Variants in DGKB observed in about 807,000 individuals in gnomAD.
DGKB encodes 90 kDa diacylglycerol kinase.
In DGKB, 67 loss-of-function variants were observed where a neutral mutation model predicts 114.3. The ratio of observed to expected loss-of-function variants is 0.59; its 90% CI spans 0.48 to 0.72. The LOEUF is 0.72. Among genes scored for constraint, DGKB ranks in the 30% least tolerant of loss-of-function variants. The pLI is 0.00. For synonymous variants in DGKB, 398 were observed against 323.1 expected (o/e 1.23, Z -2.49); for missense variants, 907 against 975.2 (o/e 0.93, Z 0.93).
At chr7:14,874,098 G>A (rs1852892937) in intron 1 of DGKB, among the ~76,000 whole-genome samples, 2 of 152,054 alleles carry the variant, frequency 1.3e-5, no homozygotes, top group South Asian at 4.1e-4. Flanking sequence ...TCCAGTTGAA[G>A]ATGAAGAAGG....
chr7:14,509,520 A>G (rs188422406), intron 20 of DGKB, among the ~76,000 whole-genome samples: 2 of 152,318 alleles, frequency 1.3e-5, no homozygotes, highest in East Asian at 1.9e-4. Flanking sequence ...GTTTAGACAC[A>G]TGCCTTTGCT....
intron 20 of DGKB, among the ~76,000 whole-genome samples, chr7:14,555,046 G>A (rs1477199775): frequency 6.6e-6 from 1 of 152,010 alleles, no homozygotes; most frequent in Non-Finnish European, 1.5e-5. Context: ...CCGGATGATA[G>A]CAATTTACTT....
intron 1 of DGKB, among the ~76,000 whole-genome samples, chr7:14,843,623 C>T (rs1025439902): frequency 3.9e-5 from 6 of 152,114 alleles, no homozygotes; most frequent in Non-Finnish European, 5.9e-5. Flanking sequence ...CGTGAGCCAC[C>T]GCGCCCAGCC....
intron 13 of DGKB, among the ~76,000 whole-genome samples, chr7:14,641,621 C>T (rs1004032048): frequency 7.2e-5 from 11 of 151,918 alleles, no homozygotes; most frequent in Non-Finnish European, 1.5e-4. Context: ...ATAATCCTGA[C>T]GCCTTTGATG....
intron 21 of DGKB, among the ~76,000 whole-genome samples, chr7:14,458,925 C>T (rs901161601): frequency 1.8e-4 from 28 of 152,114 alleles, no homozygotes; most frequent in African/African-American, 6.5e-4. Flanking sequence ...CCCATCCCCA[C>T]AGAGCCCAGC....
chr7:14,731,549 G>C (rs551073435), intron 5 of DGKB, among the ~76,000 whole-genome samples: 2 of 152,028 alleles, frequency 1.3e-5, no homozygotes, highest in Non-Finnish European at 2.9e-5. Context: ...TATAAACATC[G>C]GGTAGTAGGA....
At chr7:14,575,857 A>G (rs1799047642) in intron 19 of DGKB, among the ~76,000 whole-genome samples, 1 of 152,210 alleles carries the variant, frequency 6.6e-6, no homozygotes, top group African/African-American at 2.4e-5. Context: ...ATCATTGAAT[A>G]AACTCATTGG....
chr7:14,415,408 T>C (rs1473774482), intron 21 of DGKB, among the ~76,000 whole-genome samples: 2 of 138,516 alleles, frequency 1.4e-5, no homozygotes, highest in South Asian at 2.5e-4. Flanking sequence ...CTCCTAATGC[T>C]ATCCCTCCCC....
At chr7:14,751,354 G>A (rs905369125) in intron 4 of DGKB, among the ~76,000 whole-genome samples, 2 of 151,988 alleles carry the variant, frequency 1.3e-5, no homozygotes, top group Non-Finnish European at 2.9e-5. Context: ...TTTCAAAGTT[G>A]GAATTTATCA....
chr7:14,846,929 G>A (rs1396736155), intron 1 of DGKB, among the ~76,000 whole-genome samples: 1 of 152,176 alleles, frequency 6.6e-6, no homozygotes, highest in East Asian at 1.9e-4. Context: ...ATTAAGTGTA[G>A]ATTTATAAGT....
chr7:14,639,290 T>C (rs1811307495), intron 13 of DGKB, among the ~76,000 whole-genome samples: 1 of 152,126 alleles, frequency 6.6e-6, no homozygotes, highest in Non-Finnish European at 1.5e-5. Flanking sequence ...AAGTGTGGCT[T>C]AAAAGGTAAA....
At chr7:14,932,535 A>G (rs982803712) in intron 1 of DGKB, among the ~76,000 whole-genome samples, 1 of 152,202 alleles carries the variant, frequency 6.6e-6, no homozygotes, top group Non-Finnish European at 1.5e-5. Context: ...GCAAACCATA[A>G]AATTATACTT....
At chr7:14,519,762 A>C (rs1789439622) in intron 20 of DGKB, among the ~76,000 whole-genome samples, 1 of 151,916 alleles carries the variant, frequency 6.6e-6, no homozygotes, top group Non-Finnish European at 1.5e-5. Flanking sequence ...GCATGTAGTG[A>C]TATATCTTTG....
At chr7:14,517,468 G>A (rs147725283) in intron 20 of DGKB, among the ~76,000 whole-genome samples, 1 of 151,852 alleles carries the variant, frequency 6.6e-6, no homozygotes, top group East Asian at 1.9e-4. Context: ...TTAACAAATG[G>A]GACCTAATCA....
At chr7:14,645,739 C>A (rs902719550) in intron 13 of DGKB, among the ~76,000 whole-genome samples, 13 of 150,954 alleles carry the variant, frequency 8.6e-5, no homozygotes, top group African/African-American at 2.4e-4. Context: ...CAATACCCAG[C>A]AAAGCTATCT....
At chr7:14,481,879 T>C (rs1783039702) in intron 20 of DGKB, among the ~76,000 whole-genome samples, 1 of 152,032 alleles carries the variant, frequency 6.6e-6, no homozygotes, top group African/African-American at 2.4e-5. Context: ...TTTTGGAGTG[T>C]TACTGCAAAC....
chr7:14,732,754 C>CT (rs543872526), intron 5 of DGKB, among the ~76,000 whole-genome samples: 94 of 150,962 alleles, frequency 6.2e-4, no homozygotes, highest in East Asian at 6.0e-3. Context: ...TCTGTTTTTC[C>CT]TTTTTTTTTC....
chr7:14,605,573 T>C (rs1282573147), intron 17 of DGKB, among the ~76,000 whole-genome samples: 1 of 151,834 alleles, frequency 6.6e-6, no homozygotes, highest in Non-Finnish European at 1.5e-5. Context: ...GTAGACTTTT[T>C]ACAGTTACAT....
chr7:14,259,643 C>A (rs1370337205), intron 23 of DGKB, among the ~76,000 whole-genome samples: 1 of 152,018 alleles, frequency 6.6e-6, no homozygotes, highest in East Asian at 1.9e-4. Context: ...CCAGGATGGT[C>A]TTGAACTCCT....
Sources: gnomAD v4.1 joint callset for allele counts (sites outside exome capture counted in the v4.1 genomes callset) on GRCh38, gnomAD v4.1.1 for gene constraint, MANE v1.5 for transcripts, NCBI Gene and HGNC (gene_info 2026-07-23, HGNC 2026-07-21) for gene names.